The following CHCHD10 variants were observed in gnomAD, a reference collection of about 807,000 sequenced individuals.
CHCHD10 encodes coiled-coil-helix-coiled-coil-helix domain-containing protein 10, mitochondrial.
In CHCHD10, 10 loss-of-function variants were observed where a neutral mutation model predicts 14.8. The ratio of observed to expected loss-of-function variants is 0.67; its 90% CI spans 0.42 to 1.14. The LOEUF is 1.14. CHCHD10 is among the 50% of genes most tolerant of loss of function. CHCHD10 has a pLI of 0.00. For missense variants in CHCHD10, 203 were observed against 196.9 expected (o/e 1.03, Z -0.19); for synonymous variants, 90 against 85.2 (o/e 1.06, Z -0.31).
chr22:23,767,437 G>A lies in CHCHD10; in HGVS notation c.198C>T (p.Gly66=), dbSNP rs1448088378. 6.2e-7 allele frequency: 1 copy of A among 1,605,060 alleles called. No individual in the cohort carries two copies. Among genetic ancestry groups the A allele is most frequent in the Non-Finnish European group, 8.5e-7 (1 of 1,177,570 alleles). The change falls in exon 2 of 4, where the codon GGC becomes GGT. Residue 66 remains glycine, a synonymous_variant. Transcript: ENST00000484558. Reference sequence around the variant, plus strand: ...CGCTGAAGGCTCCGGTCAGGGCGCTGCCCATGACGTGTCCCACAGCCGAGC... The same window carrying A: ...CGCTGAAGGCTCCGGTCAGGGCGCTACCCATGACGTGTCCCACAGCCGAGC... ...AVGSAVGHVM[G]SALTGAFSGG...
chr22:23,767,800 C>T, intron 1 of CHCHD10, 34 bp downstream of exon 1: 1 of 1,530,516 alleles, frequency 6.5e-7, no homozygotes, highest in Non-Finnish European at 8.8e-7. Flanking sequence ...ACTTCCCTAA[C>T]CCCCTCCCCA....
chr22:23,765,969 T>C lies in CHCHD10; in HGVS notation c.*38A>G, dbSNP rs1372466400. 5 of 1,612,600 alleles carry C rather than the reference T, an allele frequency of 3.1e-6. No homozygotes were observed. In the African/African-American group the frequency reaches 4.0e-5, roughly 13 times the overall value. The stretch of plus-strand genomic sequence containing the variant: ...TCTGGCTGTCGGCGAGGGGTAGAGG[T>C]GGGTGCAGGACTGGCCCCCGAGTCT... On this transcript the variant is annotated 3_prime_UTR_variant, in exon 4 of 4. Coordinates refer to ENST00000484558, the MANE Select transcript of CHCHD10 (RefSeq NM_213720.3).
In CHCHD10 at chr22:23,766,231, G is replaced by A. The variant is rs527737360; in HGVS notation, c.306C>T (p.Cys102=). The A allele has an allele frequency of 1.8e-5, 29 of 1,582,220 alleles. No homozygotes were observed. Among genetic ancestry groups the A allele is most frequent in the South Asian group, 9.2e-5 (8 of 87,144 alleles). Residue 102 remains cysteine (C), a synonymous_variant, in exon 3 of 4, where the codon TGC becomes TGT. Transcript: ENST00000484558. ...CCAGGAACTGCCTGATCTCGTAGGC[G>A]CAGGGCCCCATCTGCAGGGGCTGGG... ...AAPQPLQMGP[C]AYEIRQFLDC... is the part of the protein sequence containing the mutation.
At position 23,766,256 on chromosome 22, in the gene CHCHD10, G is replaced by T; in HGVS notation, c.281C>A (p.Pro94His). The T allele has an allele frequency of 6.6e-7, 1 of 1,525,898 alleles. No homozygotes were observed. The highest frequency in any genetic ancestry group is 8.9e-7 in the Non-Finnish European group (1 of 1,127,106). The allele number at this position is 1,525,898 out of a possible 1,614,324, so 94.5% of individuals were successfully genotyped here. ...AVQQAPTPAA[P>H]QPLQMGPCAY... is the part of the protein sequence containing the mutation. ...GCAGGGCCCCATCTGCAGGGGCTGG[G>T]GGGCAGCGGGGGTGGGGGCCTGGGG... The change falls in exon 3 of 4, where the codon CCC (proline) becomes CAC (histidine). Residue 94 changes from proline to histidine, a missense_variant. Physicochemically the swap from Pro to His is moderately conservative, Grantham distance 77. Coordinates refer to ENST00000484558, the MANE Select transcript of CHCHD10 (RefSeq NM_213720.3).
In CHCHD10 at chr22:23,767,552, G is replaced by A; in HGVS notation, c.83C>T (p.Pro28Leu). The A allele has an allele frequency of 1.4e-6, 2 of 1,402,986 alleles. No homozygotes were observed. The highest frequency in any genetic ancestry group is 1.8e-6 in the Non-Finnish European group (2 of 1,081,610). The allele number at this position is 1,402,986 out of a possible 1,614,324, so 86.9% of individuals were successfully genotyped here. ...GGGGGCTGGGGCGGCTGCCGAGGGC[G>A]GTGGGTGCGCGGGCGGGTGGGCAGA... ...APSAHPPAHP[P>L]PSAAAPAPAP... is the part of the protein sequence containing the mutation. Residue 28 changes from proline to leucine, a missense_variant, in exon 2 of 4, where the codon CCG becomes CTG. Transcript: ENST00000484558.
chr22:23,766,601 C>T (rs1488659422), intron 2 of CHCHD10: 7 of 296,046 alleles, frequency 2.4e-5, no homozygotes, highest in Admixed American at 1.4e-4. Flanking sequence ...TACAGGCGCC[C>T]GCCACCATGC....
chr22:23,766,215 G>A lies in CHCHD10; in HGVS notation c.322C>T (p.Gln108Ter), dbSNP rs1181028283. The A allele has an allele frequency of 6.2e-7, 1 of 1,606,028 alleles. No individual in the cohort carries two copies. Among genetic ancestry groups the A allele is most frequent in the Non-Finnish European group, 8.5e-7 (1 of 1,176,408 alleles). ...QMGPCAYEIR[Q>*]FLDCSTTQSD... is the part of the protein sequence containing the mutation. Reference sequence around the variant, plus strand: ...TGAGTGGTGGAACAGTCCAGGAACTGCCTGATCTCGTAGGCGCAGGGCCCC... The same window carrying A: ...TGAGTGGTGGAACAGTCCAGGAACTACCTGATCTCGTAGGCGCAGGGCCCC... Residue 108 changes from glutamine (Q) to a stop codon, truncating the protein, a stop_gained, in exon 3 of 4, where the codon CAG (glutamine) becomes TAG (stop). Transcript: ENST00000484558. LOFTEE classifies it high-confidence loss of function.
At chr22:23,766,362 C>T (rs1396043145) in intron 2 of CHCHD10, 87 bp from the exon 3 acceptor site, 2 of 1,237,026 alleles carry the variant, frequency 1.6e-6, no homozygotes, top group African/African-American at 1.5e-5. Flanking sequence ...CTGCCCCTCC[C>T]CACATCCCCA....
intron 1 of CHCHD10, 108 bp from the exon 2 acceptor site, chr22:23,767,701 G>C: frequency 1.1e-6 from 1 of 887,604 alleles, no homozygotes; most frequent in Middle Eastern, 2.8e-4. Flanking sequence ...GTCTCCACAC[G>C]TGGGTGCTGC....
chr22:23,767,722 C>T lies in CHCHD10; in HGVS notation c.41+112G>A, dbSNP rs1232462080. The T allele has an allele frequency of 3.8e-6, 4 of 1,060,056 alleles. No individual in the cohort carries two copies. The Admixed American group carries it at 7.8e-5, about 21-fold the overall frequency. 65.7% of individuals were successfully genotyped at this position (1,060,056 alleles called of 1,614,324 possible). The stretch of plus-strand genomic sequence containing the variant: ...ACACGTGGGTGCTGCACCCCCACCC[C>T]TCCCCCCGCCAAGATGGCGCAGCAG... On this transcript the variant is annotated intron_variant, in intron 1 of 3. Coordinates refer to ENST00000484558, the MANE Select transcript of CHCHD10 (RefSeq NM_213720.3).
chr22:23,767,289 G>A lies in CHCHD10; in HGVS notation c.261+85C>T. ...GGCTGAAGCAATGGTGAATACACGC[G>A]GACACTCCTCACTGGACACTTGGGC... On this transcript the variant is annotated intron_variant, in intron 2 of 3. Coordinates refer to ENST00000484558, the MANE Select transcript of CHCHD10 (RefSeq NM_213720.3). 3 of 1,144,124 alleles carry A rather than the reference G, an allele frequency of 2.6e-6. No homozygotes were observed. The East Asian group carries it at 7.7e-5, about 29-fold the overall frequency. The allele number at this position is 1,144,124 out of a possible 1,614,324, so 70.9% of individuals were successfully genotyped here. A position where few individuals can be genotyped will look rare whatever the true frequency, so the allele number is the denominator to read the frequency against.
intron 2 of CHCHD10, 23 bp downstream of exon 2, chr22:23,767,351 T>C (rs1926915478): frequency 1.3e-6 from 2 of 1,597,836 alleles, no homozygotes; most frequent in South Asian, 1.1e-5. Context: ...CCTGCCTCAG[T>C]TTCTCTTGGA....
In CHCHD10 at chr22:23,767,516, C is replaced by A. The variant is rs759251168; in HGVS notation, c.119G>T (p.Gly40Val). 10 of 1,513,378 alleles carry A rather than the reference C, an allele frequency of 6.6e-6. No individual in the cohort carries two copies. The highest frequency in any genetic ancestry group is 8.0e-6 in the Non-Finnish European group (9 of 1,130,724). 93.7% of individuals were successfully genotyped at this position (1,513,378 alleles called of 1,614,324 possible). ...SAAAPAPAPSGQPGLMAQMAT... is the reference protein window; with the variant it reads ...SAAAPAPAPSVQPGLMAQMAT... ...CATCTGAGCCATGAGCCCCGGCTGG[C>A]CCGAAGGGGCGGGGGCTGGGGCGGC... Residue 40 changes from glycine (G) to valine (V), a missense_variant, in exon 2 of 4, where the codon GGC becomes GTC. Gly to Val is a moderately radical substitution (Grantham distance 109). Coordinates refer to ENST00000484558, the MANE Select transcript of CHCHD10 (RefSeq NM_213720.3).
chr22:23,767,696 C>T lies in CHCHD10; in HGVS notation c.42-103G>A, dbSNP rs1926968814. On this transcript the variant is annotated intron_variant, in intron 1 of 3. Transcript: ENST00000484558. ...CGGAGAGATGGACGACCCACGTCTC[C>T]ACACGTGGGTGCTGCACCCCCACCC... The T allele has an allele frequency of 3.5e-5, 30 of 867,832 alleles. 1 individual carries two copies. In the South Asian group the frequency reaches 5.1e-4, roughly 15 times the overall value. 53.8% of individuals were successfully genotyped at this position (867,832 alleles called of 1,614,324 possible).
chr22:23,766,938 C>T (rs969394606), intron 2 of CHCHD10, among the ~76,000 whole-genome samples: 3 of 152,226 alleles, frequency 2.0e-5, no homozygotes, highest in Non-Finnish European at 2.9e-5. Context: ...ATTTGGCTTA[C>T]GGCGGTGGGG....
chr22:23,766,863 G>A (rs1232578118), intron 2 of CHCHD10, among the ~76,000 whole-genome samples: 1 of 152,194 alleles, frequency 6.6e-6, no homozygotes, highest in Non-Finnish European at 1.5e-5. Flanking sequence ...ACCCCCACAA[G>A]TTCTAGCACC....
chr22:23,767,740 C>A, intron 1 of CHCHD10, 94 bp downstream of exon 1: 2 of 1,162,880 alleles, frequency 1.7e-6, no homozygotes, highest in East Asian at 3.0e-5. Flanking sequence ...GCCAAGATGG[C>A]GCAGCAGCAG....
At chr22:23,766,100 C>T (rs1388972963) in intron 3 of CHCHD10, 28 bp downstream of exon 3, 6 of 1,613,212 alleles carry the variant, frequency 3.7e-6, no homozygotes, top group African/African-American at 2.7e-5. Flanking sequence ...CTCCCCCTCC[C>T]CGCCTGAGTC....
rs1168092925 is a variant in CHCHD10 at position 23,766,281 on chromosome 22, G to T, written c.262-6C>A. The stretch of plus-strand genomic sequence containing the variant: ...GGGGCAGCGGGGGTGGGGGCCTGGG[G>T]GTACAGTGCAAGAGGCTGCAGGATC... On this transcript the variant is annotated splice_region_variant and splice_polypyrimidine_tract_variant and intron_variant, in intron 2 of 3. Coordinates refer to ENST00000484558, the MANE Select transcript of CHCHD10 (RefSeq NM_213720.3). 1 of 1,545,906 alleles carries T rather than the reference G, an allele frequency of 6.5e-7. No homozygotes were observed.
Sources: allele counts gnomAD v4.1 joint callset (sites outside exome capture counted in the v4.1 genomes callset), GRCh38; gene constraint gnomAD v4.1.1; transcripts MANE v1.5; gene names NCBI Gene and HGNC (gene_info 2026-07-23, HGNC 2026-07-21).